The following SCN2A variants were observed in gnomAD, a reference collection of about 807,000 sequenced individuals.
The protein encoded by SCN2A is sodium channel protein type 2 subunit alpha.
In SCN2A, 20 loss-of-function variants were observed where a neutral mutation model predicts 188.7. The ratio of observed to expected loss-of-function variants is 0.11; its 90% confidence interval spans 0.07 to 0.15. The LOEUF is 0.15. SCN2A is among the 10% of genes least tolerant of loss of function. The pLI, the probability that SCN2A is intolerant of heterozygous loss-of-function variation, is 1.00. For synonymous variants in SCN2A, 804 were observed against 833.1 expected, an observed-to-expected ratio of 0.97 and a Z score of 0.60; for missense variants, 1,278 against 2,445.0, an observed-to-expected ratio of 0.52 and a Z score of 10.07.
intron 19 of SCN2A, among the ~76,000 whole-genome samples, chr2:165,367,718 G>A (rs1700802609): frequency 6.6e-6 from 1 of 152,242 alleles, no homozygotes; most frequent in African/African-American, 2.4e-5. Context: ...ATATTTCCCT[G>A]ACCCCTTTGC....
intron 1 of SCN2A, among the ~76,000 whole-genome samples, chr2:165,285,067 C>G (rs1234157031): frequency 6.6e-6 from 1 of 152,156 alleles, no homozygotes; most frequent in African/African-American, 2.4e-5. Flanking sequence ...TACACTGAAT[C>G]ATATTTCCCA....
chr2:165,257,162 C>T (rs988409331), intron 1 of SCN2A, among the ~76,000 whole-genome samples: 5 of 152,180 alleles, frequency 3.3e-5, no homozygotes, highest in Non-Finnish European at 7.3e-5. Flanking sequence ...TAACTGTCCA[C>T]ACCTAAAAGC....
intron 16 of SCN2A, among the ~76,000 whole-genome samples, chr2:165,349,030 C>A (rs1273101412): frequency 1.3e-5 from 2 of 152,190 alleles, no homozygotes; most frequent in African/African-American, 4.8e-5. Context: ...ATCCCCAAGA[C>A]AACTTTAAAA....
chr2:165,262,625 A>AAT (rs1030977266), intron 1 of SCN2A, among the ~76,000 whole-genome samples: 20 of 151,970 alleles, frequency 1.3e-4, no homozygotes, highest in African/African-American at 4.8e-4. Flanking sequence ...CACATAGAAT[A>AAT]ATATATATAT....
chr2:165,341,673 C>A (rs1025033887), intron 14 of SCN2A, among the ~76,000 whole-genome samples: 2 of 152,154 alleles, frequency 1.3e-5, no homozygotes, highest in African/African-American at 4.8e-5. Context: ...ACCTCTAAGA[C>A]GCTGAAGTAC....
intron 1 of SCN2A, among the ~76,000 whole-genome samples, chr2:165,281,722 G>T (rs1473801795): frequency 6.6e-6 from 1 of 152,096 alleles, no homozygotes; most frequent in Non-Finnish European, 1.5e-5. Context: ...ACTGAAGGAG[G>T]CCAAAAATTA....
intron 17 of SCN2A, among the ~76,000 whole-genome samples, chr2:165,361,547 C>G (rs1175956842): frequency 6.6e-6 from 1 of 152,018 alleles, no homozygotes; most frequent in East Asian, 1.9e-4. Context: ...ACATTTCCTT[C>G]TCTAAATAAA....
At chr2:165,307,704 G>A (rs1374928454) in intron 3 of SCN2A, 144 bp from the exon 4 acceptor site, 2 of 650,050 alleles carry the variant, frequency 3.1e-6, no homozygotes, top group Non-Finnish European at 2.8e-6. Context: ...TATAGAAATG[G>A]CAAAAAAAAG....
At chr2:165,338,426 AT>A (rs1186280791) in intron 14 of SCN2A, among the ~76,000 whole-genome samples, 1 of 151,864 alleles carries the variant, frequency 6.6e-6, no homozygotes, top group Non-Finnish European at 1.5e-5. Context: ...AGCCTGGCTA[AT>A]TTTGTTGCAT....
chr2:165,301,906 C>T (rs1696830612), intron 3 of SCN2A, among the ~76,000 whole-genome samples: 1 of 152,170 alleles, frequency 6.6e-6, no homozygotes. Flanking sequence ...TTTTCTAAGG[C>T]TACATTTTCT....
At chr2:165,307,807 G>T (rs747556704) in intron 3 of SCN2A, 41 bp from the exon 4 acceptor site, 2 of 1,403,068 alleles carry the variant, frequency 1.4e-6, no homozygotes, top group Non-Finnish European at 2.0e-6. Context: ...ATAAAAGTAA[G>T]ATTTTTCCAT....
At chr2:165,351,097 A>C (rs1699886674) in intron 16 of SCN2A, among the ~76,000 whole-genome samples, 1 of 152,182 alleles carries the variant, frequency 6.6e-6, no homozygotes, top group African/African-American at 2.4e-5. Context: ...GAGGAAACTG[A>C]GGCTCAGATT....
In SCN2A at chr2:165,295,668, C is replaced by A. The variant is rs1193744341; in HGVS notation, c.-51-105C>A. On this transcript the variant is annotated intron_variant, in intron 1 of 26. Coordinates refer to ENST00000375437, the MANE Select transcript of SCN2A (RefSeq NM_001040142.2). ...ACAGCTTTCTTTGAAAATATTATAG[C>A]TATCTGAGTTTCTATGCTGTATCTC... is the stretch of plus-strand genomic sequence containing the variant. 4 of 1,004,794 alleles carry A rather than the reference C, an allele frequency of 4.0e-6. No individual in the cohort carries two copies. In the East Asian group the frequency reaches 7.8e-5, roughly 20 times the overall value. 62.2% of individuals were successfully genotyped at this position (1,004,794 alleles called of 1,614,324 possible). A position where few individuals can be genotyped will look rare whatever the true frequency, so the allele number is the denominator to read the frequency against.
Position 165,331,311 on chromosome 2 carries a change from C to T in SCN2A, c.2150-19C>T, listed in dbSNP as rs1199400744. ...AAAGTAAGCAGTTTTCATGAGGATT[C>T]TAACTTTTTTTCTTCCAGAACTTGA... On this transcript the variant is annotated intron_variant, in intron 13 of 26. Transcript: ENST00000375437. 1.9e-6 allele frequency: 3 copies of T among 1,581,018 alleles called. No individual in the cohort carries two copies. The highest frequency in any genetic ancestry group is 1.3e-5 in the African/African-American group (1 of 74,300).
At chr2:165,255,628 A>G (rs1163535915) in intron 1 of SCN2A, among the ~76,000 whole-genome samples, 1 of 152,094 alleles carries the variant, frequency 6.6e-6, no homozygotes, top group Non-Finnish European at 1.5e-5. Flanking sequence ...GGATGTTACC[A>G]TTATTACCAT....
At chr2:165,356,439 T>G (rs1283562683) in intron 17 of SCN2A, among the ~76,000 whole-genome samples, 1 of 152,196 alleles carries the variant, frequency 6.6e-6, no homozygotes, top group African/African-American at 2.4e-5. Flanking sequence ...GTACTGCTCT[T>G]ATAGAAGCTG....
At chr2:165,370,348 G>C (rs1365550778) in intron 20 of SCN2A, 49 bp downstream of exon 20, 11 of 1,585,778 alleles carry the variant, frequency 6.9e-6, no homozygotes, top group Non-Finnish European at 9.5e-6. Context: ...ATATGTAATA[G>C]TTCTAGCAAT....
intron 17 of SCN2A, 75 bp from the exon 18 acceptor site, chr2:165,365,068 G>T (rs906975184): frequency 4.6e-6 from 6 of 1,303,894 alleles, no homozygotes; most frequent in Non-Finnish European, 5.4e-6. Context: ...ATGGGGGGGG[G>T]GCACACCTAA....
chr2:165,308,527 A>C (rs1486619476), intron 4 of SCN2A, 139 bp from the exon 5 acceptor site: 1 of 734,138 alleles, frequency 1.4e-6, no homozygotes, highest in African/African-American at 1.8e-5. Context: ...TTTTGACTTA[A>C]GCCCCACCTA....
Sources: gnomAD v4.1 joint callset for allele counts (sites outside exome capture counted in the v4.1 genomes callset) on GRCh38, gnomAD v4.1.1 for gene constraint, MANE v1.5 for transcripts, NCBI Gene and HGNC (gene_info 2026-07-23, HGNC 2026-07-21) for gene names.